The following BMPR1B variants were observed in gnomAD, a reference collection of about 807,000 sequenced individuals.
The protein encoded by BMPR1B is bone morphogenetic protein receptor type 1B.
A neutral mutation model predicts 59.1 loss-of-function variants in BMPR1B; 12 were observed. That is an observed-to-expected ratio of 0.20 (90% CI 0.13 to 0.33). The LOEUF is 0.33. BMPR1B is among the 10% of genes least tolerant of loss of function. The probability of loss-of-function intolerance (pLI) is 1.00; values close to 1 mark genes in which losing one functional copy is unlikely to be tolerated. For missense variants in BMPR1B, 550 were observed against 610.9 expected, an observed-to-expected ratio of 0.90 and a Z score of 1.05; for synonymous variants, 237 against 207.3, an observed-to-expected ratio of 1.14 and a Z score of -1.23.
chr4:94,947,219 T>A (rs1729751052), intron 2 of BMPR1B, among the ~76,000 whole-genome samples: 1 of 152,224 alleles, frequency 6.6e-6, no homozygotes. Flanking sequence ...GATGTATGAA[T>A]ACTAACTCCA....
intron 1 of BMPR1B, among the ~76,000 whole-genome samples, chr4:94,866,967 A>G (rs1726272189): frequency 6.6e-6 from 1 of 152,164 alleles, no homozygotes; most frequent in Non-Finnish European, 1.5e-5. Context: ...AGATCCATGG[A>G]CACTTGTTTT....
chr4:94,951,919 C>G (rs759255219), intron 2 of BMPR1B, among the ~76,000 whole-genome samples: 5 of 152,052 alleles, frequency 3.3e-5, no homozygotes, highest in Non-Finnish European at 5.9e-5. Flanking sequence ...GTATTAATTA[C>G]TACCACAATT....
intron 1 of BMPR1B, among the ~76,000 whole-genome samples, chr4:94,805,247 A>G (rs1723563527): frequency 6.6e-6 from 1 of 152,168 alleles, no homozygotes. Flanking sequence ...ATATAATTTT[A>G]TCTTTATTGG....
intron 3 of BMPR1B, among the ~76,000 whole-genome samples, chr4:95,075,664 G>T (rs2149226346): frequency 6.6e-6 from 1 of 151,934 alleles, no homozygotes; most frequent in East Asian, 1.9e-4. Flanking sequence ...TAGTTGGCCT[G>T]CCTTTTGGTT....
In BMPR1B at chr4:95,130,000, T is replaced by C. The variant is rs761226009; in HGVS notation, c.724T>C (p.Phe242Leu). 19 of 1,613,890 alleles carry C rather than the reference T, an allele frequency of 1.2e-5. No homozygotes were observed. Among genetic ancestry groups the C allele is most frequent in the South Asian group, 5.5e-5 (5 of 91,092 alleles). ...VFFTTEEASW[F>L]RETEIYQTVL... ...CTTCACCACAGAGGAAGCCAGCTGGTTCAGAGAGACAGAAATATATCAGAC... is the reference window on the plus strand; with the variant it reads ...CTTCACCACAGAGGAAGCCAGCTGGCTCAGAGAGACAGAAATATATCAGAC... The change falls in exon 9 of 13, where the codon TTC becomes CTC. Residue 242 changes from phenylalanine (F) to leucine (L), a missense_variant. Physicochemically the swap from Phe to Leu is conservative, Grantham distance 22. This residue lies in a region of BMPR1B where 318 missense variants were observed against 284.6 expected (regional missense o/e 1.12). Coordinates refer to ENST00000515059, the MANE Select transcript of BMPR1B (RefSeq NM_001203.3).
chr4:95,040,783 A>G (rs951234831), intron 3 of BMPR1B, among the ~76,000 whole-genome samples: 1 of 152,196 alleles, frequency 6.6e-6, no homozygotes, highest in East Asian at 1.9e-4. Flanking sequence ...AGCGGGACAA[A>G]TGAAATCTTC....
intron 5 of BMPR1B, among the ~76,000 whole-genome samples, chr4:95,115,224 C>G (rs907540642): frequency 1.3e-5 from 2 of 152,154 alleles, no homozygotes; most frequent in Non-Finnish European, 1.5e-5. Context: ...AGAATCACCT[C>G]ATAACACATT....
Position 95,083,019 on chromosome 4 carries a change from C to CA in BMPR1B, c.-17-21388dup, listed in dbSNP as rs1729288931. Among the ~76,000 whole-genome samples, 13 of 101,988 alleles carry CA rather than the reference C, an allele frequency of 1.3e-4. No individual in the cohort carries two copies. In the South Asian group the frequency reaches 4.6e-3, roughly 36 times the overall value. The allele number at this position is 101,988 out of a possible 152,430, so 66.9% of individuals were successfully genotyped here. ...CGCCACTGCACTCCATCCTGGGCGA[C>CA]AGAGCAATACTCTGTCTCAAAAAAA... On this transcript the variant is annotated intron_variant, in intron 3 of 12. Transcript: ENST00000515059.
chr4:95,127,322 C>CAA (rs146122802), intron 8 of BMPR1B, among the ~76,000 whole-genome samples: 2,058 of 152,036 alleles, frequency 0.014, 22 homozygotes, highest in Admixed American at 0.027. Context: ...TAAAATAAAT[C>CAA]AGTTAAAAAA....
intron 1 of BMPR1B, among the ~76,000 whole-genome samples, chr4:94,832,759 G>A (rs1424798094): frequency 1.3e-5 from 2 of 152,098 alleles, no homozygotes; most frequent in Non-Finnish European, 2.9e-5. Flanking sequence ...CTACAGCCTG[G>A]GCAACAGAGT....
At chr4:94,770,616 T>C (rs1485674167) in intron 1 of BMPR1B, among the ~76,000 whole-genome samples, 1 of 152,128 alleles carries the variant, frequency 6.6e-6, no homozygotes, top group East Asian at 1.9e-4. Context: ...ATTTAATCTA[T>C]ATTTCCTCTT....
chr4:94,962,502 T>A (rs116187476), intron 2 of BMPR1B, among the ~76,000 whole-genome samples: 4,397 of 152,252 alleles, frequency 0.029, 202 homozygotes, highest in African/African-American at 0.1. Context: ...TGCTAGCTTC[T>A]GGTAACCATC....
chr4:95,017,351 T>A (rs1009899314), intron 3 of BMPR1B, among the ~76,000 whole-genome samples: 1 of 152,248 alleles, frequency 6.6e-6, no homozygotes, highest in African/African-American at 2.4e-5. Flanking sequence ...TTTGATCCCA[T>A]AGCCACTACC....
intron 3 of BMPR1B, among the ~76,000 whole-genome samples, chr4:95,054,648 A>G (rs1726783495): frequency 6.6e-6 from 1 of 152,194 alleles, no homozygotes; most frequent in African/African-American, 2.4e-5. Flanking sequence ...CATAATGAAT[A>G]TAGTGCAATG....
At chr4:94,773,212 T>C (rs537011585) in intron 1 of BMPR1B, among the ~76,000 whole-genome samples, 2 of 152,274 alleles carry the variant, frequency 1.3e-5, no homozygotes, top group East Asian at 3.9e-4. Flanking sequence ...GACTGATCAC[T>C]TAAAATGGAA....
At chr4:94,956,040 A>G (rs560570334) in intron 2 of BMPR1B, among the ~76,000 whole-genome samples, 33 of 152,274 alleles carry the variant, frequency 2.2e-4, no homozygotes, top group South Asian at 8.3e-4. Flanking sequence ...TGTGTTTGTG[A>G]TTACAAGTTA....
At chr4:95,066,399 A>G (rs1344653316) in intron 3 of BMPR1B, among the ~76,000 whole-genome samples, 2 of 152,194 alleles carry the variant, frequency 1.3e-5, no homozygotes, top group East Asian at 3.9e-4. Context: ...AAACGACCTC[A>G]GGGCCTTGAG....
chr4:95,093,907 A>C (rs1159607075), intron 3 of BMPR1B, among the ~76,000 whole-genome samples: 1 of 152,042 alleles, frequency 6.6e-6, no homozygotes, highest in Non-Finnish European at 1.5e-5. Context: ...AAAAACTGGC[A>C]ATATCCCTGG....
chr4:94,927,886 C>T (rs1578811841), intron 2 of BMPR1B, among the ~76,000 whole-genome samples: 1 of 151,998 alleles, frequency 6.6e-6, no homozygotes, highest in East Asian at 1.9e-4. Context: ...AGAAAGAGAC[C>T]ATTGCCTGGC....
Sources: allele counts gnomAD v4.1 joint callset (sites outside exome capture counted in the v4.1 genomes callset), GRCh38; gene constraint gnomAD v4.1.1; regional missense constraint gnomAD v4.1.1; transcripts MANE v1.5; gene names NCBI Gene and HGNC (gene_info 2026-07-23, HGNC 2026-07-21).